The following TMEM163 variants were observed in gnomAD, a reference collection of about 807,000 sequenced individuals.
TMEM163 encodes the protein transmembrane protein 163.
Under a neutral mutation model 29.3 loss-of-function variants are expected in TMEM163, and 17 were observed. The observed-to-expected ratio is 0.58, with a 90% confidence interval of 0.40 to 0.87. The LOEUF (loss-of-function observed/expected upper bound fraction) is 0.87, where lower values mean the gene tolerates loss of function less well. Among genes scored for constraint, TMEM163 ranks in the 40% least tolerant of loss-of-function variants. TMEM163 has a pLI of 0.00. For missense variants in TMEM163, 303 were observed against 381.5 expected, an observed-to-expected ratio of 0.79 and a Z score of 1.71; for synonymous variants, 157 against 160.6, an observed-to-expected ratio of 0.98 and a Z score of 0.17.
chr2:134,477,660 TACC>T (rs1686950326), intron 5 of TMEM163, among the ~76,000 whole-genome samples: 1 of 152,158 alleles, frequency 6.6e-6, no homozygotes, highest in Non-Finnish European at 1.5e-5. Context: ...TGAGAAAACA[TACC>T]ATGAAGGCCT....
At chr2:134,647,726 T>C (rs1032163414) in intron 2 of TMEM163, among the ~76,000 whole-genome samples, 5 of 152,254 alleles carry the variant, frequency 3.3e-5, no homozygotes, top group Admixed American at 2.6e-4. Flanking sequence ...GAAACTGGAG[T>C]GCACGGGTGC....
chr2:134,644,076 G>C (rs1022426490), intron 2 of TMEM163, among the ~76,000 whole-genome samples: 1 of 152,064 alleles, frequency 6.6e-6, no homozygotes, highest in African/African-American at 2.4e-5. Context: ...GTAACAGTAT[G>C]CTGAAAACTT....
chr2:134,458,346 C>G, intron 6 of TMEM163, 173 bp from the exon 7 acceptor site: 1 of 667,516 alleles, frequency 1.5e-6, no homozygotes, highest in South Asian at 1.9e-5. Context: ...TCAAATGTCA[C>G]CAGATACCTC....
intron 2 of TMEM163, among the ~76,000 whole-genome samples, chr2:134,645,129 T>C (rs946921598): frequency 6.6e-6 from 1 of 152,158 alleles, no homozygotes; most frequent in Non-Finnish European, 1.5e-5. Flanking sequence ...CTTACAAGAA[T>C]ATAGAGGAAC....
At chr2:134,546,198 C>G (rs1256845765) in intron 4 of TMEM163, among the ~76,000 whole-genome samples, 1 of 152,238 alleles carries the variant, frequency 6.6e-6, no homozygotes, top group Non-Finnish European at 1.5e-5. Context: ...AGCAATCCCA[C>G]TTCTGGGCAT....
chr2:134,718,752 C>G lies in TMEM163; in HGVS notation c.184G>C (p.Asp62His). The G allele has an allele frequency of 8.7e-7, 1 of 1,154,074 alleles. No homozygotes were observed. The highest frequency in any genetic ancestry group is 1.1e-6 in the Non-Finnish European group (1 of 938,498). 71.5% of individuals were successfully genotyped at this position (1,154,074 alleles called of 1,614,324 possible). A position where few individuals can be genotyped will look rare whatever the true frequency, so the allele number is the denominator to read the frequency against. The change falls in exon 1 of 8, where the codon GAC becomes CAC. Residue 62 changes from aspartate to histidine, a missense_variant. Asp to His is a moderately conservative substitution (Grantham distance 81, BLOSUM62 -1). This residue lies in a region of TMEM163 where 100 missense variants were observed against 87.2 expected (regional missense o/e 1.15). Coordinates refer to ENST00000281924, the MANE Select transcript of TMEM163 (RefSeq NM_030923.5). The stretch of plus-strand genomic sequence containing the variant: ...CGCTCACCTCGGTCCTCCAGCCCGT[C>G]GCTGAACTGGCCGCTCTCGCTGATC... ...VRISESGQFS[D>H]GLEDRGLLES...
chr2:134,701,916 CAAAAAA>C (rs71301801), intron 2 of TMEM163, among the ~76,000 whole-genome samples: 13 of 66,546 alleles, frequency 2.0e-4, no homozygotes, highest in African/African-American at 5.6e-4. Flanking sequence ...AAAACTGTCT[CAAAAAA>C]AAAAAAAAAA....
intron 2 of TMEM163, among the ~76,000 whole-genome samples, chr2:134,557,699 C>T (rs999533602): frequency 6.6e-6 from 1 of 152,100 alleles, no homozygotes; most frequent in African/African-American, 2.4e-5. Context: ...CACCTTTGCC[C>T]AGCTTGGTGA....
Position 134,594,851 on chromosome 2 carries a change from G to GTC in TMEM163, c.323-42762_323-42761dup, listed in dbSNP as rs70973456. Among the ~76,000 whole-genome samples, 1,423 of 147,934 alleles carry GTC rather than the reference G, an allele frequency of 9.6e-3. 11 individuals are homozygous for GTC. Among genetic ancestry groups the GTC allele is most frequent in the South Asian group, 0.019 (88 of 4,534 alleles). ...GCTACATGGACTCAAGAGACCTTGA[G>GTC]TCTCTCTCTCTCTCTCTCTCTCTCT... On this transcript the variant is annotated intron_variant, in intron 2 of 7. Coordinates refer to ENST00000281924, the MANE Select transcript of TMEM163 (RefSeq NM_030923.5).
intron 2 of TMEM163, among the ~76,000 whole-genome samples, chr2:134,703,866 C>T (rs1449272773): frequency 6.7e-6 from 1 of 150,062 alleles, no homozygotes; most frequent in East Asian, 2.0e-4. Context: ...AAAAAAAGAT[C>T]GAAAATATCT....
chr2:134,717,696 T>C (rs573538356), intron 1 of TMEM163, among the ~76,000 whole-genome samples: 1 of 152,340 alleles, frequency 6.6e-6, no homozygotes, highest in South Asian at 2.1e-4. Context: ...CTAAAGGGCC[T>C]GGCTGCAAGA....
intron 4 of TMEM163, among the ~76,000 whole-genome samples, chr2:134,519,578 G>T (rs1680147425): frequency 6.6e-6 from 1 of 152,018 alleles, no homozygotes; most frequent in African/African-American, 2.4e-5. Context: ...CGGGCGTGGT[G>T]GGGGGTGCCT....
At chr2:134,456,995 G>A (rs1277469295) in intron 7 of TMEM163, among the ~76,000 whole-genome samples, 1 of 151,944 alleles carries the variant, frequency 6.6e-6, no homozygotes, top group Non-Finnish European at 1.5e-5. Flanking sequence ...CTGACGAGAA[G>A]TACCCTCCTT....
At chr2:134,640,938 T>G (rs917875100) in intron 2 of TMEM163, among the ~76,000 whole-genome samples, 1 of 152,226 alleles carries the variant, frequency 6.6e-6, no homozygotes, top group African/African-American at 2.4e-5. Flanking sequence ...TAGATAAAGC[T>G]GTCCATGTTT....
At chr2:134,573,410 C>T (rs941717191) in intron 2 of TMEM163, among the ~76,000 whole-genome samples, 5 of 150,740 alleles carry the variant, frequency 3.3e-5, no homozygotes, top group East Asian at 1.9e-4. Flanking sequence ...CACTTTTAGC[C>T]GCCAGGGGGT....
In TMEM163 at chr2:134,688,997, T is replaced by C. The variant is rs538485848; in HGVS notation, c.322+24203A>G. Among the ~76,000 whole-genome samples the C allele has an allele frequency of 7.2e-5, 11 of 152,340 alleles. No individual in the cohort carries two copies. The South Asian group carries it at 2.3e-3, about 32-fold the overall frequency. The stretch of plus-strand genomic sequence containing the variant: ...AAATATCTCAATAATTCTTATATTT[T>C]ATTACCAAGTATAATATTTTGGATA... On this transcript the variant is annotated intron_variant, in intron 2 of 7. Coordinates refer to ENST00000281924, the MANE Select transcript of TMEM163 (RefSeq NM_030923.5).
intron 4 of TMEM163, among the ~76,000 whole-genome samples, chr2:134,505,297 C>G (rs894790853): frequency 7.8e-6 from 1 of 128,402 alleles, no homozygotes; most frequent in Non-Finnish European, 1.6e-5. Context: ...TCAATTTTAT[C>G]AGAATTTCCA....
At chr2:134,577,488 A>G (rs1681582824) in intron 2 of TMEM163, among the ~76,000 whole-genome samples, 1 of 152,178 alleles carries the variant, frequency 6.6e-6, no homozygotes, top group South Asian at 2.1e-4. Flanking sequence ...GGCTGCAGTG[A>G]GAGGAGGAGA....
At chr2:134,647,388 A>C (rs1341829280) in intron 2 of TMEM163, among the ~76,000 whole-genome samples, 1 of 152,176 alleles carries the variant, frequency 6.6e-6, no homozygotes, top group Non-Finnish European at 1.5e-5. Context: ...ACCTCTCAAA[A>C]GCGCCTGGAA....
Sources: allele counts gnomAD v4.1 joint callset (sites outside exome capture counted in the v4.1 genomes callset), GRCh38; gene constraint gnomAD v4.1.1; regional missense constraint gnomAD v4.1.1; transcripts MANE v1.5; gene names NCBI Gene and HGNC (gene_info 2026-07-23, HGNC 2026-07-21).